Variants in KLHL2 observed in about 807,000 individuals in gnomAD.
The protein encoded by KLHL2 is kelch like family member 2, also known as kelch-like protein 2.
KLHL2 carries 15 observed loss-of-function variants against 75.8 expected under a neutral mutation model. The observed-to-expected ratio is 0.20, with a 90% confidence interval of 0.13 to 0.30. The LOEUF is 0.30. Among genes scored for constraint, KLHL2 ranks in the 10% least tolerant of loss-of-function variants. The pLI is 1.00. For synonymous variants in KLHL2, 214 were observed against 251.9 expected (o/e 0.85, Z 1.42); for missense variants, 381 against 741.0 (o/e 0.51, Z 5.64).
intron 11 of KLHL2, among the ~76,000 whole-genome samples, chr4:165,311,783 C>T (rs1027364524): frequency 2.7e-5 from 4 of 149,852 alleles, no homozygotes; most frequent in Non-Finnish European, 6.0e-5. Flanking sequence ...CTCTATCCCC[C>T]TCCCTTTATC....
At chr4:165,305,095 T>A (rs1301691942) in intron 8 of KLHL2, among the ~76,000 whole-genome samples, 1 of 152,232 alleles carries the variant, frequency 6.6e-6, no homozygotes, top group Non-Finnish European at 1.5e-5. Flanking sequence ...TCTGTACTCT[T>A]GTGAGCTCCA....
At chr4:165,215,717 G>A (rs11733502) in intron 1 of KLHL2, among the ~76,000 whole-genome samples, 55,191 of 151,586 alleles carry the variant, frequency 0.36, 11,152 homozygotes, top group African/African-American at 0.54. Flanking sequence ...TCACATGAAT[G>A]GTTGCATTTT....
chr4:165,270,166 C>T (rs1452405345), intron 5 of KLHL2, among the ~76,000 whole-genome samples: 1 of 152,108 alleles, frequency 6.6e-6, no homozygotes, highest in Non-Finnish European at 1.5e-5. Context: ...GTTTTCAGCT[C>T]CATCAGGTCA....
intron 1 of KLHL2, chr4:165,209,945 CTCCA>C (rs1250023390): frequency 7.3e-7 from 1 of 1,374,904 alleles, no homozygotes; most frequent in Non-Finnish European, 9.6e-7. Flanking sequence ...ATTAACATCC[CTCCA>C]CCATGGATCC....
chr4:165,267,585 A>G (rs545924721), intron 5 of KLHL2, among the ~76,000 whole-genome samples: 1 of 152,170 alleles, frequency 6.6e-6, no homozygotes, highest in Admixed American at 6.6e-5. Flanking sequence ...GGTTTTTGTC[A>G]TTGGTTCTGT....
At chr4:165,246,021 A>G (rs886194196) in intron 4 of KLHL2, among the ~76,000 whole-genome samples, 1 of 152,118 alleles carries the variant, frequency 6.6e-6, no homozygotes, top group Non-Finnish European at 1.5e-5. Flanking sequence ...AAGGCTTTAC[A>G]TTGTAGAGGA....
chr4:165,316,610 C>G (rs1156319302), intron 13 of KLHL2, among the ~76,000 whole-genome samples: 1 of 151,728 alleles, frequency 6.6e-6, no homozygotes, highest in Admixed American at 6.6e-5. Context: ...TTTTTAAAAG[C>G]ATTTACCATT....
At chr4:165,314,272 T>G in intron 13 of KLHL2, 106 bp downstream of exon 13, 1 of 1,079,160 alleles carries the variant, frequency 9.3e-7, no homozygotes, top group Non-Finnish European at 1.3e-6. Context: ...GTTCTTTTAC[T>G]GATCTGGGTT....
At chr4:165,253,476 A>AT (rs1367239341) in intron 4 of KLHL2, among the ~76,000 whole-genome samples, 3 of 152,256 alleles carry the variant, frequency 2.0e-5, no homozygotes, top group African/African-American at 7.2e-5. Context: ...CAGATGCACT[A>AT]TTTTTCCTGA....
chr4:165,248,485 G>A (rs10213218), intron 4 of KLHL2, among the ~76,000 whole-genome samples: 6,419 of 152,268 alleles, frequency 0.042, 294 homozygotes, highest in African/African-American at 0.11. Context: ...TCCCAATGAG[G>A]AAGGTGAGCA....
At chr4:165,216,775 A>G (rs1179714451) in intron 1 of KLHL2, among the ~76,000 whole-genome samples, 1 of 152,132 alleles carries the variant, frequency 6.6e-6, no homozygotes, top group Non-Finnish European at 1.5e-5. Flanking sequence ...TTGAAAATGG[A>G]CGTTTGCAGA....
chr4:165,273,660 G>T (rs1202819833), intron 5 of KLHL2, among the ~76,000 whole-genome samples: 2 of 152,154 alleles, frequency 1.3e-5, no homozygotes, highest in African/African-American at 4.8e-5. Context: ...GACATGACTT[G>T]CTCCTCCTTG....
intron 3 of KLHL2, among the ~76,000 whole-genome samples, chr4:165,238,262 G>A (rs183537028): frequency 8.5e-5 from 13 of 152,130 alleles, no homozygotes; most frequent in African/African-American, 2.7e-4. Context: ...GTTGTCTCTG[G>A]CATGAGGGTT....
At chr4:165,264,766 A>AAG (rs1742108931) in intron 5 of KLHL2, among the ~76,000 whole-genome samples, 1 of 95,722 alleles carries the variant, frequency 1.0e-5, no homozygotes, top group Non-Finnish European at 1.9e-5. Context: ...ATATATATAT[A>AAG]AAACATTATC....
At chr4:165,276,547 A>C (rs764067549) in intron 5 of KLHL2, among the ~76,000 whole-genome samples, 19 of 152,252 alleles carry the variant, frequency 1.2e-4, no homozygotes, top group Non-Finnish European at 2.4e-4. Flanking sequence ...AAACAAAGTA[A>C]TTTTAAGATA....
intron 2 of KLHL2, among the ~76,000 whole-genome samples, chr4:165,223,717 T>C (rs1738194045): frequency 1.3e-5 from 2 of 152,158 alleles, no homozygotes; most frequent in African/African-American, 4.8e-5. Context: ...AAAGGATGGC[T>C]TTTAGGTCAG....
intron 5 of KLHL2, among the ~76,000 whole-genome samples, chr4:165,276,353 T>G (rs1560794704): frequency 1.3e-5 from 2 of 152,204 alleles, no homozygotes; most frequent in African/African-American, 4.8e-5. Flanking sequence ...TTTTCATGTG[T>G]GTCCCCTCTG....
chr4:165,215,606 C>T (rs1199721542), intron 1 of KLHL2, among the ~76,000 whole-genome samples: 1 of 152,006 alleles, frequency 6.6e-6, no homozygotes, highest in South Asian at 2.1e-4. Flanking sequence ...GGTGAACAGG[C>T]AAAGGGGAGA....
intron 4 of KLHL2, among the ~76,000 whole-genome samples, chr4:165,251,057 T>C (rs1376830676): frequency 2.0e-5 from 3 of 148,374 alleles, no homozygotes; most frequent in Non-Finnish European, 4.5e-5. Context: ...TTCTTTCTCT[T>C]ATGGGATAGA....
Sources: gnomAD v4.1 joint callset for allele counts (sites outside exome capture counted in the v4.1 genomes callset) on GRCh38, gnomAD v4.1.1 for gene constraint, MANE v1.5 for transcripts, NCBI Gene and HGNC (gene_info 2026-07-23, HGNC 2026-07-21) for gene names.